The following JMJD1C variants were observed in gnomAD, a reference collection of about 807,000 sequenced individuals.
The protein encoded by JMJD1C is jumonji domain-containing protein 1C.
In JMJD1C, 31 loss-of-function variants were observed where a neutral mutation model predicts 245.3. That is an observed-to-expected ratio of 0.13 (90% CI 0.09 to 0.17). The LOEUF (loss-of-function observed/expected upper bound fraction) is 0.17, where lower values mean the gene tolerates loss of function less well. JMJD1C is among the 10% of genes least tolerant of loss of function. The pLI is 1.00. For missense variants in JMJD1C, 2,691 were observed against 3,000.2 expected, an observed-to-expected ratio of 0.90 and a Z score of 2.41; for synonymous variants, 1,057 against 1,017.4, an observed-to-expected ratio of 1.04 and a Z score of -0.74.
intron 1 of JMJD1C, among the ~76,000 whole-genome samples, chr10:63,495,142 T>C (rs1324229304): frequency 1.3e-5 from 2 of 151,992 alleles, no homozygotes; most frequent in Non-Finnish European, 2.9e-5. Flanking sequence ...TAAGCAACAA[T>C]GAATGCCTCG....
chr10:63,420,605 G>A (rs1589714191), intron 1 of JMJD1C, among the ~76,000 whole-genome samples: 2 of 151,604 alleles, frequency 1.3e-5, no homozygotes, highest in East Asian at 3.9e-4. Flanking sequence ...CATGGGGGGT[G>A]GGGGGCGCGG....
intron 1 of JMJD1C, among the ~76,000 whole-genome samples, chr10:63,519,003 G>T (rs1194073977): frequency 6.6e-6 from 1 of 152,158 alleles, no homozygotes; most frequent in Non-Finnish European, 1.5e-5. Flanking sequence ...CACTTTCCAT[G>T]GTACCAAAAG....
rs71025169 is a variant in JMJD1C, at chr10:63,387,629, A to ATTTTTTTTTTTTTTTTTTTTTTT, written c.169-7170_169-7148dup. ...AGTCAGAAGAAAAAAGAAAAAAAAA[A>ATTTTTTTTTTTTTTTTTTTTTTT]TTTTTTTTTTTTTTTTTTTTTTTTG... On this transcript the variant is annotated intron_variant, in intron 1 of 25. Transcript: ENST00000399262. Among the ~76,000 whole-genome samples, 37 of 37,862 alleles carry ATTTTTTTTTTTTTTTTTTTTTTT rather than the reference A, an allele frequency of 9.8e-4. 4 individuals carry two copies. Among genetic ancestry groups the ATTTTTTTTTTTTTTTTTTTTTTT allele is most frequent in the African/African-American group, 3.0e-3 (25 of 8,302 alleles). The allele number at this position is 37,862 out of a possible 152,430, so 24.8% of individuals were successfully genotyped here.
chr10:63,190,498 G>A (rs980237346), intron 17 of JMJD1C, among the ~76,000 whole-genome samples: 1 of 152,074 alleles, frequency 6.6e-6, no homozygotes, highest in Non-Finnish European at 1.5e-5. Flanking sequence ...CGCCGCACCC[G>A]GCCCCCCATA....
intron 1 of JMJD1C, among the ~76,000 whole-genome samples, chr10:63,452,872 G>C (rs533137813): frequency 6.6e-6 from 1 of 152,128 alleles, no homozygotes; most frequent in East Asian, 1.9e-4. Flanking sequence ...AATTCACAGA[G>C]ACATTAGATA....
At chr10:63,329,748 T>C (rs558107707) in intron 2 of JMJD1C, among the ~76,000 whole-genome samples, 4 of 152,368 alleles carry the variant, frequency 2.6e-5, no homozygotes, top group East Asian at 1.9e-4. Flanking sequence ...TGATACACCG[T>C]TGATACTCTC....
intron 2 of JMJD1C, among the ~76,000 whole-genome samples, chr10:63,293,802 A>G (rs570571923): frequency 9.9e-5 from 15 of 151,832 alleles, no homozygotes; most frequent in Middle Eastern, 3.4e-3. Flanking sequence ...TTTTTTTTCA[A>G]TCTTCCCAGA....
At chr10:63,288,974 CAT>C (rs1858325278) in intron 2 of JMJD1C, among the ~76,000 whole-genome samples, 1 of 151,004 alleles carries the variant, frequency 6.6e-6, no homozygotes. Flanking sequence ...CTTAATCCGA[CAT>C]GTCTTTTACA....
intron 24 of JMJD1C, among the ~76,000 whole-genome samples, chr10:63,174,304 G>T (rs1196864427): frequency 3.3e-5 from 5 of 152,076 alleles, no homozygotes; most frequent in Non-Finnish European, 7.4e-5. Context: ...TTCAGCTGGT[G>T]AATGTACGGA....
At chr10:63,226,734 A>AAAAG (rs1554845625) in intron 3 of JMJD1C, among the ~76,000 whole-genome samples, 23 of 144,682 alleles carry the variant, frequency 1.6e-4, no homozygotes, top group East Asian at 4.0e-4. Context: ...AAAAAAAAAA[A>AAAAG]AGAGAGAGAG....
At chr10:63,360,642 T>C (rs1469376043) in intron 2 of JMJD1C, among the ~76,000 whole-genome samples, 1 of 152,148 alleles carries the variant, frequency 6.6e-6, no homozygotes, top group Non-Finnish European at 1.5e-5. Flanking sequence ...TAATTAGAAT[T>C]CTTACCAGAT....
intron 2 of JMJD1C, among the ~76,000 whole-genome samples, chr10:63,300,339 T>C (rs1859933988): frequency 6.6e-6 from 1 of 152,160 alleles, no homozygotes; most frequent in Non-Finnish European, 1.5e-5. Context: ...AAAATATTTG[T>C]ACCAAAAGAA....
rs894867863 is a variant in JMJD1C at position 63,380,554 on chromosome 10, AT to A, written c.169-73del. 4.5e-6 allele frequency: 5 copies of A among 1,120,134 alleles called. No individual in the cohort carries two copies. In the Admixed American group the frequency reaches 1.1e-4, roughly 25 times the overall value. 69.4% of individuals were successfully genotyped at this position (1,120,134 alleles called of 1,614,324 possible). ...GTATATCTTTTTTTACTAATGCATA[AT>A]AATTGTACATATTTATGGGGTACAT... is the stretch of plus-strand genomic sequence containing the variant. On this transcript the variant is annotated intron_variant, in intron 1 of 25. Transcript: ENST00000399262.
chr10:63,308,876 A>G (rs1295028833), intron 2 of JMJD1C, among the ~76,000 whole-genome samples: 1 of 152,082 alleles, frequency 6.6e-6, no homozygotes, highest in Non-Finnish European at 1.5e-5. Context: ...AACAGATAAA[A>G]ATAGACACAC....
chr10:63,344,567 C>T (rs370994635), intron 2 of JMJD1C, among the ~76,000 whole-genome samples: 81 of 152,152 alleles, frequency 5.3e-4, no homozygotes, highest in African/African-American at 1.9e-3. Context: ...CAAAATCTGA[C>T]CCATGAAAGA....
intron 3 of JMJD1C, among the ~76,000 whole-genome samples, chr10:63,238,003 T>C (rs1261215320): frequency 4.6e-5 from 4 of 87,492 alleles, no homozygotes; most frequent in East Asian, 4.1e-4. Flanking sequence ...ACCCCGTCTC[T>C]ACTAAAAAAA....
chr10:63,365,497 G>T (rs779187499), intron 2 of JMJD1C, among the ~76,000 whole-genome samples: 6 of 152,152 alleles, frequency 3.9e-5, no homozygotes, highest in African/African-American at 7.2e-5. Context: ...CAGGCCAGGT[G>T]CAGTGGCTCA....
intron 2 of JMJD1C, among the ~76,000 whole-genome samples, chr10:63,281,131 C>CTTTT (rs754461363): frequency 4.1e-5 from 5 of 122,984 alleles, no homozygotes; most frequent in African/African-American, 1.3e-4. Flanking sequence ...CACACCCGGC[C>CTTTT]TTTTTTTTTT....
chr10:63,507,986 A>G (rs1351885553), intron 1 of JMJD1C, among the ~76,000 whole-genome samples: 1 of 152,190 alleles, frequency 6.6e-6, no homozygotes, highest in Non-Finnish European at 1.5e-5. Flanking sequence ...TTTATCAAAT[A>G]TATCTTTTGC....
Sources: allele counts gnomAD v4.1 joint callset (sites outside exome capture counted in the v4.1 genomes callset), GRCh38; gene constraint gnomAD v4.1.1; transcripts MANE v1.5; gene names NCBI Gene and HGNC (gene_info 2026-07-23, HGNC 2026-07-21).